The following ASH1L variants were observed in gnomAD, a reference collection of about 807,000 sequenced individuals.
ASH1L encodes ASH1 like histone lysine methyltransferase, also known as histone-lysine N-methyltransferase ASH1L.
ASH1L carries 23 observed loss-of-function variants against 269.0 expected under a neutral mutation model. The ratio of observed to expected loss-of-function variants is 0.09; its 90% CI spans 0.06 to 0.12. The LOEUF (loss-of-function observed/expected upper bound fraction) is 0.12. ASH1L is among the 10% of genes least tolerant of loss of function. ASH1L has a pLI of 1.00. For missense variants in ASH1L, 2,912 were observed against 3,567.8 expected (o/e 0.82, Z 4.68); for synonymous variants, 1,187 against 1,253.5 (o/e 0.95, Z 1.12).
At chr1:155,500,978 G>T (rs1381695373) in intron 2 of ASH1L, among the ~76,000 whole-genome samples, 2 of 150,722 alleles carry the variant, frequency 1.3e-5, no homozygotes, top group African/African-American at 2.4e-5. Flanking sequence ...TAAATAAAAA[G>T]AAACTATATT....
At chr1:155,371,561 AAAATAAAT>A (rs1225257657) in intron 10 of ASH1L, among the ~76,000 whole-genome samples, 1 of 152,116 alleles carries the variant, frequency 6.6e-6, no homozygotes, top group Non-Finnish European at 1.5e-5. Context: ...ATAAATAAAT[AAAATAAAT>A]AAATAAATAA....
chr1:155,461,571 T>C (rs1389867224), intron 3 of ASH1L, among the ~76,000 whole-genome samples: 1 of 152,086 alleles, frequency 6.6e-6, no homozygotes, highest in Non-Finnish European at 1.5e-5. Flanking sequence ...ATATTTCCAT[T>C]AAATAACTGA....
chr1:155,442,362 C>T (rs12086165), intron 4 of ASH1L, among the ~76,000 whole-genome samples: 16 of 151,552 alleles, frequency 1.1e-4, no homozygotes, highest in African/African-American at 3.4e-4. Context: ...CTGAGGTGGG[C>T]GGATCAGGTC....
Position 155,338,172 on chromosome 1 carries a change from G to A in ASH1L, c.8720C>T (p.Thr2907Ile), listed in dbSNP as rs771023259. 9.3e-6 allele frequency: 15 copies of A among 1,613,860 alleles called. No individual in the cohort carries two copies. In the Middle Eastern group the frequency reaches 1.6e-3, roughly 177 times the overall value. ...ESSQEPQSTC[T>I]PEERRHNQRE... ...TTGGTTATGCCGTCGTTCCTCAGGG[G>A]TACAGGTTGACTGGGGTTCTTGACT... Residue 2907 changes from threonine to isoleucine, a missense_variant, in exon 27 of 28, where the codon ACC (threonine) becomes ATC (isoleucine). Transcript: ENST00000392403.
chr1:155,341,665 C>A (rs565620788), intron 25 of ASH1L, among the ~76,000 whole-genome samples: 18 of 152,114 alleles, frequency 1.2e-4, no homozygotes, highest in African/African-American at 4.3e-4. Context: ...AAACAAAAAT[C>A]TACAGAATGG....
chr1:155,560,231 T>C (rs1352484353), intron 1 of ASH1L, among the ~76,000 whole-genome samples: 3 of 152,244 alleles, frequency 2.0e-5, no homozygotes, highest in Non-Finnish European at 4.4e-5. Context: ...AATCATGTGA[T>C]TGTGCTTATG....
chr1:155,449,194 A>G (rs1663272530), intron 4 of ASH1L, among the ~76,000 whole-genome samples: 1 of 152,154 alleles, frequency 6.6e-6, no homozygotes, highest in Non-Finnish European at 1.5e-5. Flanking sequence ...TTGGCCTCCC[A>G]AAGTGCTGGG....
intron 5 of ASH1L, chr1:155,433,775 A>G: frequency 6.2e-7 from 1 of 1,605,490 alleles, no homozygotes. Context: ...GAACATGTGT[A>G]AGCTGCGGCC....
chr1:155,381,489 G>A (rs920119334), intron 7 of ASH1L, among the ~76,000 whole-genome samples: 2 of 151,896 alleles, frequency 1.3e-5, no homozygotes, highest in Non-Finnish European at 2.9e-5. Context: ...GGCAGAGGTT[G>A]CAGTGAGCCA....
chr1:155,357,767 A>G lies in ASH1L; in HGVS notation c.6796-18T>C. 1.9e-6 allele frequency: 3 copies of G among 1,594,506 alleles called. No individual in the cohort carries two copies. The highest frequency in any genetic ancestry group is 2.6e-6 in the Non-Finnish European group (3 of 1,173,922). ...CAAAGTTGCTTTGAAGGGAGAGAAT[A>G]ATTTTTTTATTTTTATTTTTTTAAG... On this transcript the variant is annotated intron_variant, in intron 13 of 27. Transcript: ENST00000392403.
intron 7 of ASH1L, among the ~76,000 whole-genome samples, chr1:155,382,730 CTTT>C (rs1244087562): frequency 6.9e-6 from 1 of 145,316 alleles, no homozygotes; most frequent in African/African-American, 2.5e-5. Flanking sequence ...TGTCTTAGCT[CTTT>C]TTTTTTTTTC....
intron 7 of ASH1L, among the ~76,000 whole-genome samples, chr1:155,387,268 C>T (rs900365348): frequency 6.6e-6 from 1 of 152,238 alleles, no homozygotes; most frequent in Non-Finnish European, 1.5e-5. Context: ...GCCACCACGC[C>T]TGGCCTACAT....
At chr1:155,387,795 C>A (rs1657560537) in intron 7 of ASH1L, among the ~76,000 whole-genome samples, 1 of 152,062 alleles carries the variant, frequency 6.6e-6, no homozygotes, top group African/African-American at 2.4e-5. Context: ...CCATTTGTGT[C>A]TTCGCTGATT....
At chr1:155,415,381 C>CAAAAAA (rs371008148) in intron 6 of ASH1L, among the ~76,000 whole-genome samples, 1 of 57,648 alleles carries the variant, frequency 1.7e-5, no homozygotes, top group Non-Finnish European at 4.0e-5. Flanking sequence ...GACTCCGTCT[C>CAAAAAA]AAAAAAAAAA....
Position 155,481,162 on chromosome 1 carries a change from T to G in ASH1L, c.1708A>C (p.Ser570Arg), listed in dbSNP as rs913068691. 1 of 1,613,986 alleles carries G rather than the reference T, an allele frequency of 6.2e-7. No homozygotes were observed. The highest frequency in any genetic ancestry group is 1.3e-5 in the African/African-American group (1 of 74,932). Residue 570 changes from serine to arginine, a missense_variant, in exon 3 of 28, where the codon AGT becomes CGT. Around this residue, in one of 13 missense-constraint regions of ASH1L, gnomAD observed 715 missense variants for 721.0 expected, o/e 0.99. Transcript: ENST00000392403. ...AACTGTGAAGAAGTTTCAGGGGGACTTCTGGTTAAAGGATTAACAGATACA... is the reference window on the plus strand; with the variant it reads ...AACTGTGAAGAAGTTTCAGGGGGACGTCTGGTTAAAGGATTAACAGATACA... Reference protein sequence around the residue: ...PTVSVNPLTRSPPETSSQLAP... With the variant: ...PTVSVNPLTRRPPETSSQLAP...
At position 155,479,536 on chromosome 1, in the gene ASH1L, A is replaced by T. The variant is rs1299908691; in HGVS notation, c.3334T>A (p.Ser1112Thr). 1.4e-5 allele frequency: 23 copies of T among 1,614,200 alleles called. No individual in the cohort carries two copies. The highest frequency in any genetic ancestry group is 1.9e-5 in the Non-Finnish European group (22 of 1,180,022). ...GGGCTCTGACCTCCACTAGTCCCAG[A>T]AGACTGAGAGCAAATAGGTGATGGA... ...ILPSPICSQS[S>T]GTSGGQSPVS... Residue 1112 changes from serine to threonine, a missense_variant, in exon 3 of 28, where the codon TCT becomes ACT. Ser to Thr is a moderately conservative substitution (Grantham distance 58). Transcript: ENST00000392403.
At position 155,337,463 on chromosome 1, in the gene ASH1L, G is replaced by C. The variant is rs1028826024; in HGVS notation, c.*197C>G. The C allele has an allele frequency of 3.8e-6, 2 of 522,246 alleles. No individual in the cohort carries two copies. Among genetic ancestry groups the C allele is most frequent in the Admixed American group, 3.3e-5 (1 of 30,584 alleles). 32.4% of individuals were successfully genotyped at this position (522,246 alleles called of 1,614,324 possible). A position where few individuals can be genotyped will look rare whatever the true frequency, so the allele number is the denominator to read the frequency against. On this transcript the variant is annotated 3_prime_UTR_variant, in exon 28 of 28. Coordinates refer to ENST00000392403, the MANE Select transcript of ASH1L (RefSeq NM_018489.3). ...AATGGAGAAGAAAATTAATTAACCT[G>C]AACTGTCTTGGACAGAACCCTTTCC... is the stretch of plus-strand genomic sequence containing the variant.
intron 1 of ASH1L, among the ~76,000 whole-genome samples, chr1:155,538,641 CTTTT>C (rs35340905): frequency 0.024 from 2,549 of 107,954 alleles, 88 homozygotes; most frequent in African/African-American, 0.082. Context: ...TGTACCCAGC[CTTTT>C]TTTTTTTTTT....
intron 2 of ASH1L, among the ~76,000 whole-genome samples, chr1:155,499,348 C>T (rs1262000520): frequency 2.6e-5 from 4 of 152,044 alleles, no homozygotes; most frequent in Admixed American, 1.3e-4. Context: ...CTTTTATTCC[C>T]AACATGAAAA....
Sources: allele counts gnomAD v4.1 joint callset (sites outside exome capture counted in the v4.1 genomes callset), GRCh38; gene constraint gnomAD v4.1.1; regional missense constraint gnomAD v4.1.1; transcripts MANE v1.5; gene names NCBI Gene and HGNC (gene_info 2026-07-23, HGNC 2026-07-21).